The following SH3GL2 variants were observed in gnomAD, a reference collection of about 807,000 sequenced individuals.
SH3GL2 encodes the protein SH3 domain containing GRB2 like 2, endophilin A1.
SH3GL2 carries 24 observed loss-of-function variants against 46.0 expected under a neutral mutation model. That is an observed-to-expected ratio of 0.52 (90% CI 0.38 to 0.73). The LOEUF is 0.73. Among genes scored for constraint, SH3GL2 ranks in the 30% least tolerant of loss-of-function variants. The pLI is 0.00. For missense variants in SH3GL2, 413 were observed against 424.2 expected (o/e 0.97, Z 0.23); for synonymous variants, 196 against 147.1 (o/e 1.33, Z -2.40).
At chr9:17,622,503 C>G (rs762300401) in intron 1 of SH3GL2, among the ~76,000 whole-genome samples, 1 of 152,136 alleles carries the variant, frequency 6.6e-6, no homozygotes, top group African/African-American at 2.4e-5. Flanking sequence ...AAAGAACCTC[C>G]TATTTCCAGA....
chr9:17,706,067 A>G (rs1041709961), intron 1 of SH3GL2, among the ~76,000 whole-genome samples: 1 of 152,084 alleles, frequency 6.6e-6, no homozygotes, highest in East Asian at 1.9e-4. Context: ...TTAGTCGATG[A>G]TATCAAAGTA....
chr9:17,792,661 G>A (rs1247748398), intron 7 of SH3GL2, among the ~76,000 whole-genome samples: 1 of 152,016 alleles, frequency 6.6e-6, no homozygotes, highest in Non-Finnish European at 1.5e-5. Context: ...CTCATGTTCT[G>A]AATAGAATAG....
intron 1 of SH3GL2, among the ~76,000 whole-genome samples, chr9:17,682,343 A>C (rs1820793748): frequency 6.6e-6 from 1 of 152,228 alleles, no homozygotes. Context: ...GATAAAGCAA[A>C]TGTGGTACAT....
At chr9:17,772,240 T>C (rs1288931953) in intron 3 of SH3GL2, among the ~76,000 whole-genome samples, 3 of 152,212 alleles carry the variant, frequency 2.0e-5, no homozygotes, top group Non-Finnish European at 2.9e-5. Context: ...TTTAGTGTGA[T>C]TTGAGGATTT....
At chr9:17,751,757 A>G (rs1245577869) in intron 2 of SH3GL2, among the ~76,000 whole-genome samples, 1 of 152,046 alleles carries the variant, frequency 6.6e-6, no homozygotes, top group Admixed American at 6.5e-5. Flanking sequence ...TTTCAGCTGG[A>G]ATGCTCTGAG....
intron 2 of SH3GL2, among the ~76,000 whole-genome samples, chr9:17,754,018 A>T (rs1034788893): frequency 6.6e-6 from 1 of 152,072 alleles, no homozygotes; most frequent in Non-Finnish European, 1.5e-5. Context: ...TGAGATCTCT[A>T]TTCTATTCTG....
At chr9:17,789,622 C>G (rs1413904302) in intron 6 of SH3GL2, 72 bp downstream of exon 6, 1 of 1,589,388 alleles carries the variant, frequency 6.3e-7, no homozygotes, top group South Asian at 1.1e-5. Flanking sequence ...AAGGCCATAA[C>G]CCTTAAAAGC....
chr9:17,750,425 C>G (rs114819353), intron 2 of SH3GL2, among the ~76,000 whole-genome samples: 2,835 of 152,204 alleles, frequency 0.019, 84 homozygotes, highest in African/African-American at 0.064. Flanking sequence ...GCCCCAGCCA[C>G]TCTGTGGCTG....
intron 2 of SH3GL2, among the ~76,000 whole-genome samples, chr9:17,748,417 T>C (rs1822753675): frequency 6.6e-6 from 1 of 152,194 alleles, no homozygotes; most frequent in Non-Finnish European, 1.5e-5. Flanking sequence ...TATTCTGATT[T>C]TGATTCTACC....
chr9:17,674,174 G>C (rs1420281801), intron 1 of SH3GL2, among the ~76,000 whole-genome samples: 3 of 152,000 alleles, frequency 2.0e-5, no homozygotes, highest in Non-Finnish European at 4.4e-5. Context: ...TATTTATCTT[G>C]GGTATCCATT....
intron 1 of SH3GL2, among the ~76,000 whole-genome samples, chr9:17,743,373 A>G (rs1025679978): frequency 6.6e-6 from 1 of 151,980 alleles, no homozygotes; most frequent in Non-Finnish European, 1.5e-5. Flanking sequence ...ATATCAACCA[A>G]CCATTCAGGC....
At chr9:17,720,288 CTTAGATTG>C (rs1269780081) in intron 1 of SH3GL2, among the ~76,000 whole-genome samples, 3 of 152,092 alleles carry the variant, frequency 2.0e-5, no homozygotes, top group Admixed American at 1.3e-4. Flanking sequence ...GCTTTCGATA[CTTAGATTG>C]TTAAAAGAAA....
At chr9:17,591,808 T>C (rs1311946061) in intron 1 of SH3GL2, among the ~76,000 whole-genome samples, 2 of 152,232 alleles carry the variant, frequency 1.3e-5, no homozygotes, top group African/African-American at 4.8e-5. Context: ...GTTGCTGCTG[T>C]GAATGATTCA....
At chr9:17,792,239 A>G (rs533198424) in intron 7 of SH3GL2, among the ~76,000 whole-genome samples, 1 of 152,282 alleles carries the variant, frequency 6.6e-6, no homozygotes, top group South Asian at 2.1e-4. Flanking sequence ...TTAATTGAGC[A>G]TTTTCCTTCG....
intron 1 of SH3GL2, among the ~76,000 whole-genome samples, chr9:17,684,990 A>T (rs538202561): frequency 6.6e-6 from 1 of 152,126 alleles, no homozygotes; most frequent in African/African-American, 2.4e-5. Context: ...GTCTTGATTT[A>T]TGAATTTGTC....
chr9:17,682,450 C>G (rs925735988), intron 1 of SH3GL2, among the ~76,000 whole-genome samples: 1 of 152,036 alleles, frequency 6.6e-6, no homozygotes, highest in Admixed American at 6.6e-5. Flanking sequence ...TCAGCAAACT[C>G]ACACAGGAAC....
Position 17,772,797 on chromosome 9 carries a change from A to G in SH3GL2, c.187+11288A>G, listed in dbSNP as rs139968981. Reference sequence around the variant, plus strand: ...TTTAGCTATTGTGAATAATGCTTCTATGACCATGAGTATACAAATATCACT... The same window carrying G: ...TTTAGCTATTGTGAATAATGCTTCTGTGACCATGAGTATACAAATATCACT... On this transcript the variant is annotated intron_variant, in intron 3 of 8. Coordinates refer to ENST00000380607, the MANE Select transcript of SH3GL2 (RefSeq NM_003026.5). Among the ~76,000 whole-genome samples, 199 of 152,310 alleles carry G rather than the reference A, an allele frequency of 1.3e-3. 1 individual carries two copies. Among genetic ancestry groups the G allele is most frequent in the Non-Finnish European group, 4.7e-4 (32 of 68,016 alleles).
chr9:17,711,466 C>G (rs977822695), intron 1 of SH3GL2, among the ~76,000 whole-genome samples: 16 of 151,842 alleles, frequency 1.1e-4, no homozygotes, highest in Admixed American at 9.2e-4. Flanking sequence ...TCTCAAATCC[C>G]TTGGTAATTC....
intron 1 of SH3GL2, among the ~76,000 whole-genome samples, chr9:17,708,739 G>A (rs1821540445): frequency 1.3e-5 from 2 of 151,876 alleles, no homozygotes; most frequent in South Asian, 4.1e-4. Context: ...AGTTTAAAAT[G>A]TTCTATTTAA....
Sources: gnomAD v4.1 joint callset for allele counts (sites outside exome capture counted in the v4.1 genomes callset) on GRCh38, gnomAD v4.1.1 for gene constraint, MANE v1.5 for transcripts, NCBI Gene and HGNC (gene_info 2026-07-23, HGNC 2026-07-21) for gene names.